The following TCF12 variants were observed in gnomAD, a reference collection of about 807,000 sequenced individuals.
The protein encoded by TCF12 is transcription factor 12, also known as DNA-binding protein HTF4.
Under a neutral mutation model 86.0 loss-of-function variants are expected in TCF12, and 45 were observed. That is an observed-to-expected ratio of 0.52 (90% CI 0.41 to 0.67). The LOEUF (loss-of-function observed/expected upper bound fraction) is 0.67, where lower values mean the gene tolerates loss of function less well. Among genes scored for constraint, TCF12 ranks in the 30% least tolerant of loss-of-function variants. The pLI is 0.00. For missense variants in TCF12, 881 were observed against 859.9 expected (o/e 1.02, Z -0.31); for synonymous variants, 330 against 299.6 (o/e 1.10, Z -1.05).
chr15:56,971,925 A>G (rs909295044), intron 3 of TCF12, among the ~76,000 whole-genome samples: 1 of 152,192 alleles, frequency 6.6e-6, no homozygotes, highest in African/African-American at 2.4e-5. Flanking sequence ...AGAAGGGGGT[A>G]TGACCACTAG....
intron 4 of TCF12, among the ~76,000 whole-genome samples, chr15:57,090,091 C>G (rs2048894877): frequency 1.3e-5 from 2 of 152,050 alleles, no homozygotes; most frequent in Admixed American, 6.5e-5. Context: ...TGGTGCACTA[C>G]TGTAGTTCCA....
intron 3 of TCF12, among the ~76,000 whole-genome samples, chr15:56,948,580 A>G (rs1387190201): frequency 6.6e-6 from 1 of 152,214 alleles, no homozygotes; most frequent in African/African-American, 2.4e-5. Flanking sequence ...CCAGTGAAGT[A>G]ACAAATATCA....
At chr15:57,218,910 C>T in intron 8 of TCF12, 1 of 424,722 alleles carries the variant, frequency 2.4e-6, no homozygotes, top group Non-Finnish European at 3.2e-6. Flanking sequence ...GAGGTATTTG[C>T]ATGATGGTCT....
chr15:57,179,071 T>C (rs1261326316), intron 6 of TCF12, among the ~76,000 whole-genome samples: 1 of 152,104 alleles, frequency 6.6e-6, no homozygotes, highest in African/African-American at 2.4e-5. Flanking sequence ...AAAATTAAGA[T>C]GGTAAAATTT....
At chr15:57,140,595 T>A (rs893965923) in intron 5 of TCF12, among the ~76,000 whole-genome samples, 1 of 152,260 alleles carries the variant, frequency 6.6e-6, no homozygotes, top group Non-Finnish European at 1.5e-5. Flanking sequence ...ACTTAGGGCT[T>A]GCTGATTACA....
At chr15:57,043,830 G>A (rs754895047) in intron 3 of TCF12, among the ~76,000 whole-genome samples, 1 of 152,032 alleles carries the variant, frequency 6.6e-6, no homozygotes, top group Non-Finnish European at 1.5e-5. Context: ...CAGAAATTTT[G>A]GAAGATAGTG....
intron 3 of TCF12, among the ~76,000 whole-genome samples, chr15:57,029,994 T>C (rs1430394282): frequency 1.3e-5 from 2 of 152,200 alleles, no homozygotes; most frequent in Admixed American, 1.3e-4. Context: ...CATTTGTGTT[T>C]TTTATAGTTT....
In TCF12 at chr15:57,133,202, T is replaced by C. The variant is rs192127510; in HGVS notation, c.326-33200T>C. Among the ~76,000 whole-genome samples the C allele has an allele frequency of 5.8e-3, 885 of 152,358 alleles. 11 individuals are homozygous for C. The highest frequency in any genetic ancestry group is 0.02 in the African/African-American group (846 of 41,578). Reference sequence around the variant, plus strand: ...TGTGGCAGAATGAATCATGTTACCATTGATCTGAGCCTGAACAGAATAGCC... The same window carrying C: ...TGTGGCAGAATGAATCATGTTACCACTGATCTGAGCCTGAACAGAATAGCC... On this transcript the variant is annotated intron_variant, in intron 5 of 20. Coordinates refer to ENST00000333725, the MANE Select transcript of TCF12 (RefSeq NM_207037.2).
intron 3 of TCF12, among the ~76,000 whole-genome samples, chr15:56,942,024 G>T (rs2140361537): frequency 6.6e-6 from 1 of 152,228 alleles, no homozygotes; most frequent in East Asian, 1.9e-4. Flanking sequence ...TGTGTAGCCT[G>T]GTAGAGTTGG....
At chr15:57,257,643 A>C (rs1382828330) in intron 16 of TCF12, among the ~76,000 whole-genome samples, 2 of 140,558 alleles carry the variant, frequency 1.4e-5, no homozygotes, top group Admixed American at 1.5e-4. Flanking sequence ...CCTGGACAAC[A>C]GAGTGAGACC....
At chr15:57,226,597 T>G (rs532397088) in intron 8 of TCF12, among the ~76,000 whole-genome samples, 3 of 152,200 alleles carry the variant, frequency 2.0e-5, no homozygotes, top group Non-Finnish European at 2.9e-5. Context: ...TAATTAGTTC[T>G]GTGTTGGACC....
intron 6 of TCF12, among the ~76,000 whole-genome samples, chr15:57,181,369 T>G (rs1243854343): frequency 6.6e-6 from 1 of 152,148 alleles, no homozygotes; most frequent in African/African-American, 2.4e-5. Context: ...TAACTACAGG[T>G]GCACATCACT....
At chr15:57,145,208 T>C (rs142661428) in intron 5 of TCF12, among the ~76,000 whole-genome samples, 1 of 152,242 alleles carries the variant, frequency 6.6e-6, no homozygotes, top group African/African-American at 2.4e-5. Context: ...ATAGCTAATA[T>C]TGGGAGAAAG....
At chr15:57,146,313 A>G (rs1455938961) in intron 5 of TCF12, among the ~76,000 whole-genome samples, 1 of 152,178 alleles carries the variant, frequency 6.6e-6, no homozygotes, top group African/African-American at 2.4e-5. Flanking sequence ...AACTTTGTCA[A>G]CATCTCTCAC....
In TCF12 at chr15:57,287,219, T is replaced by C. The variant is rs1264917798; in HGVS notation, c.*1074T>C. The C allele has an allele frequency of 6.5e-6, 1 of 153,850 alleles. No individual in the cohort carries two copies. The highest frequency in any genetic ancestry group is 1.5e-5 in the Non-Finnish European group (1 of 68,828). The allele number at this position is 153,850 out of a possible 1,614,324, so 9.5% of individuals were successfully genotyped here. A position where few individuals can be genotyped will look rare whatever the true frequency, so the allele number is the denominator to read the frequency against. On this transcript the variant is annotated 3_prime_UTR_variant, in exon 21 of 21. Transcript: ENST00000333725. Reference sequence around the variant, plus strand: ...CAAAGACGATTTTTTCAGGCTGTGATTATGGTGAACATAACAAAACCCAGT... The same window carrying C: ...CAAAGACGATTTTTTCAGGCTGTGACTATGGTGAACATAACAAAACCCAGT...
At chr15:57,263,842 A>C (rs1488005805) in intron 18 of TCF12, among the ~76,000 whole-genome samples, 2 of 152,174 alleles carry the variant, frequency 1.3e-5, no homozygotes, top group Non-Finnish European at 2.9e-5. Context: ...CCTAAAAGGC[A>C]CAGTAAAAAT....
At chr15:57,247,196 C>T (rs2059905936) in intron 13 of TCF12, 1 of 605,758 alleles carries the variant, frequency 1.7e-6, no homozygotes, top group South Asian at 1.7e-5. Flanking sequence ...ATCATAGCCC[C>T]CTCTACTACT....
chr15:57,020,349 G>C (rs994842088), intron 3 of TCF12, among the ~76,000 whole-genome samples: 4 of 152,252 alleles, frequency 2.6e-5, no homozygotes, highest in Admixed American at 2.6e-4. Context: ...TAATCCCTGT[G>C]TTTCTATTTC....
chr15:56,983,109 T>G (rs1467795164), intron 3 of TCF12, among the ~76,000 whole-genome samples: 2 of 152,198 alleles, frequency 1.3e-5, no homozygotes, highest in African/African-American at 2.4e-5. Flanking sequence ...TATGGGACAT[T>G]CTTAATGATT....
Sources: allele counts gnomAD v4.1 joint callset (sites outside exome capture counted in the v4.1 genomes callset), GRCh38; gene constraint gnomAD v4.1.1; transcripts MANE v1.5; gene names NCBI Gene and HGNC (gene_info 2026-07-23, HGNC 2026-07-21).